The following NVL variants were observed in gnomAD, a reference collection of about 807,000 sequenced individuals.
The protein encoded by NVL is nuclear valosin-containing protein-like.
In NVL, 84 loss-of-function variants were observed where a neutral mutation model predicts 110.2. The ratio of observed to expected loss-of-function variants is 0.76; its 90% CI spans 0.64 to 0.91. NVL has a LOEUF of 0.91. Among genes scored for constraint, NVL ranks in the 40% least tolerant of loss-of-function variants. The pLI, the probability that NVL is intolerant of heterozygous loss-of-function variation, is 0.00. For missense variants in NVL, 882 were observed against 1,035.9 expected (o/e 0.85, Z 2.04); for synonymous variants, 354 against 361.1 (o/e 0.98, Z 0.22).
chr1:224,253,802 A>T (rs1019265344), intron 18 of NVL, among the ~76,000 whole-genome samples: 2 of 151,922 alleles, frequency 1.3e-5, no homozygotes, highest in African/African-American at 2.4e-5. Flanking sequence ...GTACCATTAC[A>T]TTCCCATCAT....
intron 22 of NVL, among the ~76,000 whole-genome samples, chr1:224,228,665 C>G (rs1204864907): frequency 1.3e-5 from 2 of 148,718 alleles, no homozygotes; most frequent in East Asian, 2.1e-4. Flanking sequence ...ATGGGCCGGG[C>G]GCGGTGGCTC....
chr1:224,287,974 A>C lies in NVL; in HGVS notation c.1595T>G (p.Leu532Arg), dbSNP rs773501407. ...SETQDELQRL[L>R]GLLRDQDPLS... ...GGGATCTTGGTCTCTTAGCAACCCC[A>C]GCAGCCTTTGTAATTCATCCTTGAA... The change falls in exon 14 of 23, where the codon CTG becomes CGG. Residue 532 changes from leucine to arginine, a missense_variant. Physicochemically the swap from Leu to Arg is moderately radical, Grantham distance 102. Coordinates refer to ENST00000281701, the MANE Select transcript of NVL (RefSeq NM_002533.4). 1 of 1,613,264 alleles carries C rather than the reference A, an allele frequency of 6.2e-7. No homozygotes were observed. Among genetic ancestry groups the C allele is most frequent in the East Asian group, 2.2e-5 (1 of 44,890 alleles).
rs371407619 is a variant in NVL, at chr1:224,309,016, A to C, written c.343-753T>G. Among the ~76,000 whole-genome samples, 19 of 150,546 alleles carry C rather than the reference A, an allele frequency of 1.3e-4. 1 individual carries two copies. In the South Asian group the frequency reaches 2.1e-3, roughly 17 times the overall value. ...GCGGAGCTTGCAGTGAGCCGAGATC[A>C]CGCCACTGCACTCCAGCCTGGGTGA... is the stretch of plus-strand genomic sequence containing the variant. On this transcript the variant is annotated intron_variant, in intron 5 of 22. Coordinates refer to ENST00000281701, the MANE Select transcript of NVL (RefSeq NM_002533.4).
chr1:224,256,042 A>G (rs1261980627), intron 18 of NVL, among the ~76,000 whole-genome samples: 1 of 152,156 alleles, frequency 6.6e-6, no homozygotes, highest in Admixed American at 6.5e-5. Context: ...ATGCATAGGA[A>G]TATTTCTGGA....
chr1:224,228,160 C>T (rs768230905), intron 22 of NVL: 1 of 152,172 alleles, frequency 6.6e-6, no homozygotes. Context: ...ATGCTCCTTT[C>T]CACAGGGGAC....
At chr1:224,311,714 C>T (rs1572038678) in intron 5 of NVL, 86 bp downstream of exon 5, 2 of 992,962 alleles carry the variant, frequency 2.0e-6, no homozygotes, top group Non-Finnish European at 3.2e-6. Context: ...GTCACCATGT[C>T]CAGCTAATAC....
Position 224,289,705 on chromosome 1 carries a change from T to A in NVL, c.1354A>T (p.Arg452Trp), listed in dbSNP as rs778254320. The change falls in exon 13 of 23, where the codon AGG (arginine) becomes TGG (tryptophan). Residue 452 changes from arginine to tryptophan, a missense_variant. By Grantham distance (101) the Arg-to-Trp change is moderately radical (BLOSUM62 -3). This residue lies in a region of NVL where 416 missense variants were observed against 499.3 expected (regional missense o/e 0.83). Transcript: ENST00000281701. ...RILQTLCRKL[R>W]LPQAFDFCHL... ...CAGAAATCAAAAGCTTGAGGAAGCC[T>A]CAGTTTTCTGCACAATGTTTGAAGT... The A allele has an allele frequency of 1.9e-6, 3 of 1,613,984 alleles. No homozygotes were observed. Among genetic ancestry groups the A allele is most frequent in the Non-Finnish European group, 2.5e-6 (3 of 1,179,956 alleles).
chr1:224,267,663 G>A (rs1400057724), intron 18 of NVL, among the ~76,000 whole-genome samples: 1 of 150,468 alleles, frequency 6.6e-6, no homozygotes, highest in Non-Finnish European at 1.5e-5. Flanking sequence ...TGCCAGCCTG[G>A]GTGACAGAGC....
chr1:224,304,159 G>A (rs1003020492), intron 8 of NVL, among the ~76,000 whole-genome samples: 1 of 152,190 alleles, frequency 6.6e-6, no homozygotes, highest in Admixed American at 6.5e-5. Flanking sequence ...AGGCATGGTG[G>A]CTCACGCCTG....
chr1:224,279,531 GGA>G (rs1666110177), intron 16 of NVL, among the ~76,000 whole-genome samples: 1 of 152,078 alleles, frequency 6.6e-6, no homozygotes, highest in Admixed American at 6.6e-5. Flanking sequence ...TTTATACCAT[GGA>G]GAGTTTATAA....
Position 224,286,093 on chromosome 1 carries a change from C to T in NVL, c.1832G>A (p.Gly611Glu). The T allele has an allele frequency of 1.2e-6, 2 of 1,614,132 alleles. No individual in the cohort carries two copies. The highest frequency in any genetic ancestry group is 1.7e-6 in the Non-Finnish European group (2 of 1,180,016). The change falls in exon 15 of 23, where the codon GGA becomes GAA. Residue 611 changes from glycine (G) to glutamate (E), a missense_variant. Gly to Glu is a moderately conservative substitution (Grantham distance 98). Coordinates refer to ENST00000281701, the MANE Select transcript of NVL (RefSeq NM_002533.4). ...GAGGACCCCAGCTGGAGTCACCAAT[C>T]CAAGAGCTTTGAACTGGTCTGGGTT... ...VRNPDQFKAL[G>E]LVTPAGVLLA...
At chr1:224,248,936 G>T (rs532734343) in intron 19 of NVL, among the ~76,000 whole-genome samples, 1 of 152,208 alleles carries the variant, frequency 6.6e-6, no homozygotes, top group South Asian at 2.1e-4. Flanking sequence ...CAGCTCCCAT[G>T]GGGGGAGGTA....
At chr1:224,286,230 T>C in intron 14 of NVL, 100 bp from the exon 15 acceptor site, 2 of 833,958 alleles carry the variant, frequency 2.4e-6, no homozygotes, top group Non-Finnish European at 3.7e-6. Context: ...TTTTTTTTTT[T>C]GAGTCTCCCT....
At chr1:224,314,288 A>G (rs1361524227) in intron 4 of NVL, among the ~76,000 whole-genome samples, 2 of 152,248 alleles carry the variant, frequency 1.3e-5, no homozygotes, top group African/African-American at 4.8e-5. Context: ...TTATTATGCA[A>G]TAGTGTAACA....
At chr1:224,234,637 G>T (rs181935010) in intron 20 of NVL, among the ~76,000 whole-genome samples, 1 of 152,006 alleles carries the variant, frequency 6.6e-6, no homozygotes, top group African/African-American at 2.4e-5. Flanking sequence ...GTGTTTTGTT[G>T]GCTAAATGTT....
chr1:224,312,259 A>C (rs1669597006), intron 4 of NVL: 1 of 155,704 alleles, frequency 6.4e-6, no homozygotes, highest in Non-Finnish European at 1.4e-5. Context: ...ATTCAGGTAG[A>C]GGAAATATTT....
At chr1:224,242,391 TTA>T (rs1322345546) in intron 19 of NVL, among the ~76,000 whole-genome samples, 1 of 152,178 alleles carries the variant, frequency 6.6e-6, no homozygotes, top group Non-Finnish European at 1.5e-5. Flanking sequence ...GTATTAAACA[TTA>T]TATGTTATGA....
rs1571978801 is a variant in NVL, at chr1:224,294,390, G to A, written c.1202C>T (p.Thr401Ile). ...CMDDLNNVAA[T>I]ARVLVIGATN... ...AGCTCCAATAACTAGGACCCGGGCT[G>A]TAGCAGCCACATTATTCAGATCTAG... The change falls in exon 12 of 23, where the codon ACA becomes ATA. Residue 401 changes from threonine (T) to isoleucine (I), a missense_variant. Coordinates refer to ENST00000281701, the MANE Select transcript of NVL (RefSeq NM_002533.4). 4 of 1,613,962 alleles carry A rather than the reference G, an allele frequency of 2.5e-6. No homozygotes were observed. The East Asian group carries it at 6.7e-5, about 27-fold the overall frequency.
chr1:224,301,331 C>T (rs1388702047), intron 9 of NVL, among the ~76,000 whole-genome samples: 1 of 152,080 alleles, frequency 6.6e-6, no homozygotes, highest in Non-Finnish European at 1.5e-5. Flanking sequence ...TCCCAAACTC[C>T]TGGCCTCAAG....
Sources: allele counts gnomAD v4.1 joint callset (sites outside exome capture counted in the v4.1 genomes callset), GRCh38; gene constraint gnomAD v4.1.1; regional missense constraint gnomAD v4.1.1; transcripts MANE v1.5; gene names NCBI Gene and HGNC (gene_info 2026-07-23, HGNC 2026-07-21).